RFT1: variants seen among roughly 807,000 people sequenced by gnomAD.
The protein encoded by RFT1 is man(5)GlcNAc(2)-PP-dolichol translocation protein RFT1.
Under a neutral mutation model 62.2 loss-of-function variants are expected in RFT1, and 43 were observed. That is an observed-to-expected ratio of 0.69 (90% CI 0.54 to 0.89). RFT1 has a LOEUF of 0.89. RFT1 is among the 40% of genes least tolerant of loss of function. The pLI, the probability that RFT1 is intolerant of heterozygous loss-of-function variation, is 0.00. For missense variants in RFT1, 605 were observed against 649.9 expected, an observed-to-expected ratio of 0.93 and a Z score of 0.75; for synonymous variants, 262 against 264.6, an observed-to-expected ratio of 0.99 and a Z score of 0.10.
intron 6 of RFT1, among the ~76,000 whole-genome samples, chr3:53,116,760 C>T (rs1701818098): frequency 6.6e-6 from 1 of 152,150 alleles, no homozygotes; most frequent in African/African-American, 2.4e-5. Context: ...TGCCACCATG[C>T]CCAGCTAACT....
the RFT1 span, among the ~76,000 whole-genome samples, chr3:53,072,804 C>T: frequency 2.6e-5 from 4 of 152,346 alleles, no homozygotes; most frequent in Admixed American, 2.0e-4. Context: ...ATCTGCTCAA[C>T]AACCCTTTGG....
At chr3:53,083,761 A>G (rs1451578209), downstream of RFT1, among the ~76,000 whole-genome samples, 3 of 152,354 alleles carry the variant, frequency 2.0e-5, no homozygotes, top group Admixed American at 6.5e-5. Context: ...GTTACAAAAT[A>G]AACAAATGCA....
At position 53,123,724 on chromosome 3, in the gene RFT1, G is replaced by A. The variant is rs199788972; in HGVS notation, c.266C>T (p.Thr89Ile). The A allele has an allele frequency of 1.7e-4, 280 of 1,611,682 alleles. 5 individuals carry two copies. The South Asian group carries it at 2.1e-3, about 12-fold the overall frequency. ...WSQTLNLLWL[T>I]VPLGVFWSLF... ...TGTCTCCTGCCAAAGCACAACTCAC[G>A]TTAGCCACAGCAGGTTGAGGGTCTG... is the stretch of plus-strand genomic sequence containing the variant. The change falls in exon 3 of 13, where the codon ACA becomes ATA. Residue 89 changes from threonine (T) to isoleucine (I), a missense_variant and splice_region_variant. Transcript: ENST00000296292.
At chr3:53,122,348 C>G (rs1314527719) in intron 4 of RFT1, 26 bp downstream of exon 4, 1 of 1,607,248 alleles carries the variant, frequency 6.2e-7, no homozygotes, top group South Asian at 1.1e-5. Flanking sequence ...TTCCCATTTC[C>G]CATTCACAGC....
intron 6 of RFT1, among the ~76,000 whole-genome samples, chr3:53,119,592 G>A (rs1701908308): frequency 6.6e-6 from 1 of 152,158 alleles, no homozygotes; most frequent in Admixed American, 6.5e-5. Flanking sequence ...AGACATTTTG[G>A]GGTGCTCCAC....
At chr3:53,074,017 C>T in the RFT1 span, among the ~76,000 whole-genome samples, 17 of 152,318 alleles carry the variant, frequency 1.1e-4, no homozygotes, top group African/African-American at 3.6e-4. Context: ...TGCGGGGCCC[C>T]GGTGAGGCAG....
At chr3:53,114,548 T>C (rs530251756) in intron 6 of RFT1, among the ~76,000 whole-genome samples, 3 of 151,588 alleles carry the variant, frequency 2.0e-5, no homozygotes, top group Non-Finnish European at 4.4e-5. Context: ...AGGGGCTGAG[T>C]GGTGGGAGAG....
intron 3 of RFT1, 51 bp downstream of exon 3, chr3:53,123,673 C>T (rs1702029442): frequency 2.2e-6 from 3 of 1,391,194 alleles, no homozygotes; most frequent in African/African-American, 1.4e-5. Context: ...ATTTCCAATG[C>T]TCACTACACC....
chr3:53,108,459 G>A (rs865776226), intron 7 of RFT1, among the ~76,000 whole-genome samples: 4 of 146,736 alleles, frequency 2.7e-5, no homozygotes, highest in South Asian at 2.1e-4. Context: ...GCACGATCTC[G>A]TTCACTGCAA....
chr3:53,126,837 C>G (rs1355426806), intron 1 of RFT1, among the ~76,000 whole-genome samples: 1 of 152,202 alleles, frequency 6.6e-6, no homozygotes, highest in Non-Finnish European at 1.5e-5. Flanking sequence ...GAATGACTCC[C>G]TTCTGCATCC....
At position 53,103,769 on chromosome 3, in the gene RFT1, C is replaced by T. The variant is rs1701382301; in HGVS notation, c.1102+184G>A. ...GCTGATTGTCCTGGCGCCAACGCCC[C>T]TGCCTATACCTTGAGTGTGTGTCTG... On this transcript the variant is annotated intron_variant, in intron 10 of 12. Coordinates refer to ENST00000296292, the MANE Select transcript of RFT1 (RefSeq NM_052859.4). The T allele has an allele frequency of 4.1e-6, 3 of 731,406 alleles. No individual in the cohort carries two copies. The East Asian group carries it at 8.4e-5, about 20-fold the overall frequency. The allele number at this position is 731,406 out of a possible 1,614,324, so 45.3% of individuals were successfully genotyped here.
intron 10 of RFT1, among the ~76,000 whole-genome samples, chr3:53,102,339 G>A (rs984751110): frequency 5.9e-5 from 9 of 152,226 alleles, no homozygotes; most frequent in African/African-American, 2.2e-4. Flanking sequence ...AAGCCACGCA[G>A]TCTGTGGTAC....
rs1254867649 is a variant in RFT1, at chr3:53,088,652, T to A, written c.*3251A>T. ...TGAGCCCAGGAGTTCAAGGCAACAG[T>A]GAGATCCAGTCTCTACAAAAAAAAA... On this transcript the variant is annotated 3_prime_UTR_variant, in exon 13 of 13. Transcript: ENST00000296292. 6.6e-6 allele frequency: 1 copy of A among 150,670 alleles called. No homozygotes were observed. The highest frequency in any genetic ancestry group is 2.0e-4 in the East Asian group (1 of 5,108). 9.3% of individuals were successfully genotyped at this position (150,670 alleles called of 1,614,324 possible).
Position 53,124,142 on chromosome 3 carries a change from T to C in RFT1, c.150-302A>G, listed in dbSNP as rs1560331. Among the ~76,000 whole-genome samples the C allele has an allele frequency of 0.98, 149,903 of 152,350 alleles. 73,810 individuals carry two copies. Among genetic ancestry groups the C allele is most frequent in the Middle Eastern group, 1 (294 of 294 alleles). ...ACAGGCAGAGGTGTGGCCATGACCA[T>C]AAGGAGGAGAAGAAGATAAGATTAT... On this transcript the variant is annotated intron_variant, in intron 2 of 12. Transcript: ENST00000296292.
Position 53,122,572 on chromosome 3 carries a change from G to C in RFT1, c.267-9C>G, listed in dbSNP as rs1396877928. 9 of 1,542,166 alleles carry C rather than the reference G, an allele frequency of 5.8e-6. No homozygotes were observed. Among genetic ancestry groups the C allele is most frequent in the African/African-American group, 1.4e-5 (1 of 72,766 alleles). On this transcript the variant is annotated splice_polypyrimidine_tract_variant and intron_variant, in intron 3 of 12. Transcript: ENST00000296292. ...ACACACCCAGGGGGACTCTAGAAGA[G>C]GAGAAAAAAATAATTCACTAAATTT... is the stretch of plus-strand genomic sequence containing the variant.
the RFT1 span, among the ~76,000 whole-genome samples, chr3:53,081,819 T>G: frequency 6.6e-6 from 1 of 152,080 alleles, no homozygotes; most frequent in Non-Finnish European, 1.5e-5. Context: ...GCGAAACAAT[T>G]ACCCTAAATT....
At chr3:53,096,366 ATATAT>A (rs1701137575) in intron 11 of RFT1, among the ~76,000 whole-genome samples, 1 of 151,704 alleles carries the variant, frequency 6.6e-6, no homozygotes, top group Admixed American at 6.6e-5. Context: ...CAGATTCTAT[ATATAT>A]TATGAGGTTA....
the RFT1 span, among the ~76,000 whole-genome samples, chr3:53,070,406 T>TG: frequency 1.4e-5 from 2 of 139,106 alleles, no homozygotes; most frequent in Non-Finnish European, 3.1e-5. Context: ...TTTTTTTTTT[T>TG]TTTTTTTTTT....
downstream of RFT1, among the ~76,000 whole-genome samples, chr3:53,088,209 G>A (rs72965386): frequency 0.035 from 5,284 of 152,204 alleles, 329 homozygotes; most frequent in African/African-American, 0.12. Flanking sequence ...GAGAAGTCCC[G>A]CAAACAACGG....
Sources: gnomAD v4.1 joint callset for allele counts (sites outside exome capture counted in the v4.1 genomes callset) on GRCh38, gnomAD v4.1.1 for gene constraint, MANE v1.5 for transcripts, NCBI Gene and HGNC (gene_info 2026-07-23, HGNC 2026-07-21) for gene names.